PPP2R5C: variants seen among roughly 807,000 people sequenced by gnomAD.
PPP2R5C encodes serine/threonine-protein phosphatase 2A 56 kDa regulatory subunit gamma isoform.
In PPP2R5C, 7 loss-of-function variants were observed where a neutral mutation model predicts 68.9. That is an observed-to-expected ratio of 0.10 (90% confidence interval 0.06 to 0.19). The LOEUF (loss-of-function observed/expected upper bound fraction) is 0.19. Ranked by LOEUF, PPP2R5C falls within the 10% of genes least tolerant of loss-of-function variation. The pLI, the probability that PPP2R5C is intolerant of heterozygous loss-of-function variation, is 1.00. For synonymous variants in PPP2R5C, 210 were observed against 222.2 expected, an observed-to-expected ratio of 0.95 and a Z score of 0.49; for missense variants, 348 against 641.3, an observed-to-expected ratio of 0.54 and a Z score of 4.94.
intron 1 of PPP2R5C, among the ~76,000 whole-genome samples, chr14:101,843,042 A>G (rs572772461): frequency 2.6e-4 from 40 of 152,112 alleles, no homozygotes; most frequent in Non-Finnish European, 4.0e-4. Flanking sequence ...CCTGGGCAAC[A>G]CAGCAAGACT....
chr14:101,822,489 A>G (rs1473870820), intron 1 of PPP2R5C, among the ~76,000 whole-genome samples: 1 of 152,184 alleles, frequency 6.6e-6, no homozygotes, highest in African/African-American at 2.4e-5. Context: ...AAATGATGTT[A>G]TGTTGATGTG....
chr14:101,926,961 C>T (rs1595576633), exon 14 of PPP2R5C: 1 of 152,012 alleles, frequency 6.6e-6, no homozygotes, highest in African/African-American at 2.4e-5. Context: ...TCCTGAGAAA[C>T]TTGACAAGTA....
chr14:101,781,749 T>TCTGG lies in PPP2R5C; in HGVS notation c.94-4267_94-4264dup, dbSNP rs1482066117. On this transcript the variant is annotated intron_variant, in intron 2 of 14. Transcript: ENST00000328724. The surrounding 1 kb of genome is among the most constrained non-coding windows in gnomAD (Gnocchi z 6.4). ...CCGGGGAAGAAGCGGAGGACGCCGATCTGGCCTCCTGCGTTGCGCGCTCCA... is the reference window on the plus strand; with the variant it reads ...CCGGGGAAGAAGCGGAGGACGCCGATCTGGCTGGCCTCCTGCGTTGCGCGCTCCA... Among the ~76,000 whole-genome samples the TCTGG allele has an allele frequency of 1.3e-5, 2 of 151,856 alleles. No homozygotes were observed. The highest frequency in any genetic ancestry group is 2.4e-5 in the African/African-American group (1 of 41,302).
intron 3 of PPP2R5C, among the ~76,000 whole-genome samples, chr14:101,790,953 G>A (rs8018179): frequency 0.011 from 1,695 of 152,226 alleles, 25 homozygotes; most frequent in African/African-American, 0.038. Flanking sequence ...GGTGGCACTC[G>A]CTTGTAGCCC....
intron 2 of PPP2R5C, among the ~76,000 whole-genome samples, chr14:101,871,854 C>T (rs2043439656): frequency 6.6e-6 from 1 of 152,106 alleles, no homozygotes; most frequent in African/African-American, 2.4e-5. Flanking sequence ...CGATAACATA[C>T]TATTTCATAT....
chr14:101,852,697 C>G (rs1457592437), intron 1 of PPP2R5C, among the ~76,000 whole-genome samples: 1 of 152,046 alleles, frequency 6.6e-6, no homozygotes, highest in Non-Finnish European at 1.5e-5. Flanking sequence ...GTCTCGAACT[C>G]CTGACCTCAG....
At chr14:101,823,776 A>T in intron 1 of PPP2R5C, 1 of 1,127,154 alleles carries the variant, frequency 8.9e-7, no homozygotes. Context: ...CTGAGCATGC[A>T]CTGAGCCTGC....
chr14:101,915,535 G>A lies in PPP2R5C; in HGVS notation c.1327-2296G>A, dbSNP rs1566968411. ...GCCGTGCTCCAAGCGGAGGCTGTTG[G>A]TGGGTCCCATGAAGAGCACTGCTTG... is the stretch of plus-strand genomic sequence containing the variant. On this transcript the variant is annotated intron_variant, in intron 12 of 13. Coordinates refer to ENST00000334743, the Ensembl canonical transcript of PPP2R5C. The surrounding 1 kb of genome is among the most constrained non-coding windows in gnomAD (Gnocchi z 4.2). 6.6e-6 allele frequency among the ~76,000 whole-genome samples: 1 copy of A among 152,238 alleles called. No individual in the cohort carries two copies. Among genetic ancestry groups the A allele is most frequent in the African/African-American group, 2.4e-5 (1 of 41,448 alleles).
At chr14:101,922,153 A>T (rs1248089067) in intron 13 of PPP2R5C, 13 of 985,322 alleles carry the variant, frequency 1.3e-5, no homozygotes, top group Non-Finnish European at 1.6e-5. Context: ...CCTTTTGTCC[A>T]TGTCATTCCA....
At position 101,825,963 on chromosome 14, in the gene PPP2R5C, G is replaced by A. The variant is rs1015634619; in HGVS notation, c.94+15927G>A. 2.0e-5 allele frequency among the ~76,000 whole-genome samples: 3 copies of A among 152,178 alleles called. No homozygotes were observed. The highest frequency in any genetic ancestry group is 2.9e-5 in the Non-Finnish European group (2 of 68,030). On this transcript the variant is annotated intron_variant, in intron 1 of 13. Transcript: ENST00000334743. This position sits in a 1 kb window ranked among gnomAD's most constrained non-coding sequence, Gnocchi z 4.0. ...ATGAAGAGGGAACTGACCAAGGATC[G>A]GTGAGAATAGGAGGTGGCCCAGAGG... is the stretch of plus-strand genomic sequence containing the variant.
intron 2 of PPP2R5C, among the ~76,000 whole-genome samples, 193 bp downstream of exon 4, chr14:101,857,078 G>T (rs1028509583): frequency 6.6e-6 from 1 of 152,190 alleles, no homozygotes; most frequent in Non-Finnish European, 1.5e-5. Context: ...GAAGTCAGTT[G>T]TCTTCTAGGG....
intron 1 of PPP2R5C, among the ~76,000 whole-genome samples, chr14:101,822,685 T>C (rs1372507230): frequency 6.6e-6 from 1 of 152,242 alleles, no homozygotes. Context: ...TGAAGACATA[T>C]AAACTTCTGG....
chr14:101,897,168 C>T (rs188378187), intron 8 of PPP2R5C, among the ~76,000 whole-genome samples: 2 of 152,236 alleles, frequency 1.3e-5, no homozygotes, highest in South Asian at 2.1e-4. Context: ...AGGAAATGTA[C>T]CAAATCTCAT....
At position 101,891,988 on chromosome 14, in the gene PPP2R5C, G is replaced by A. The variant is rs1393849219; in HGVS notation, c.690-1012G>A. Among the ~76,000 whole-genome samples the A allele has an allele frequency of 6.6e-6, 1 of 152,060 alleles. No homozygotes were observed. Among genetic ancestry groups the A allele is most frequent in the Non-Finnish European group, 1.5e-5 (1 of 68,000 alleles). ...GTTTTTGTTTTTGAGATAGAGTCTC[G>A]CTCTGTCACCGAGGCTGGAGTGCAG... On this transcript the variant is annotated intron_variant, in intron 6 of 13. Coordinates refer to ENST00000334743, the Ensembl canonical transcript of PPP2R5C. The surrounding 1 kb of genome is among the most constrained non-coding windows in gnomAD (Gnocchi z 4.9).
rs1216917006 is a variant in PPP2R5C at position 101,781,023 on chromosome 14, A to G, written c.94-4995A>G. ...CTAAGGATGCGCCAGCTCGGCCTGA[A>G]CCATGGAATGCAGCGTGGGGCAGCC... On this transcript the variant is annotated intron_variant, in intron 2 of 14. Coordinates refer to the PPP2R5C transcript ENST00000328724. The surrounding 1 kb of genome is among the most constrained non-coding windows in gnomAD (Gnocchi z 6.4). Among the ~76,000 whole-genome samples the G allele has an allele frequency of 6.6e-6, 1 of 152,164 alleles. No individual in the cohort carries two copies. The highest frequency in any genetic ancestry group is 1.5e-5 in the Non-Finnish European group (1 of 68,026).
At chr14:101,855,159 G>A (rs1006628852) in intron 1 of PPP2R5C, among the ~76,000 whole-genome samples, 1 of 152,196 alleles carries the variant, frequency 6.6e-6, no homozygotes, top group African/African-American at 2.4e-5. Flanking sequence ...AACAGAGTGA[G>A]ACTCTGTCTC....
intron 1 of PPP2R5C, among the ~76,000 whole-genome samples, chr14:101,847,708 G>T (rs1193104590): frequency 2.7e-5 from 4 of 149,720 alleles, no homozygotes; most frequent in African/African-American, 9.9e-5. Context: ...CTATCGCGAG[G>T]CTGGAGTGTG....
intron 1 of PPP2R5C, among the ~76,000 whole-genome samples, chr14:101,811,335 G>T (rs924785647): frequency 5.9e-5 from 9 of 152,112 alleles, no homozygotes; most frequent in African/African-American, 2.2e-4. Flanking sequence ...ATTTAAGTTA[G>T]ATAGCTTTTG....
At chr14:101,796,120 C>G (rs1290516680) in intron 3 of PPP2R5C, among the ~76,000 whole-genome samples, 3 of 152,278 alleles carry the variant, frequency 2.0e-5, no homozygotes, top group Admixed American at 6.5e-5. Flanking sequence ...CCACTGCGCC[C>G]TGCCTATTTT....
Sources: gnomAD v4.1 joint callset for allele counts (sites outside exome capture counted in the v4.1 genomes callset) on GRCh38, gnomAD v4.1.1 for gene constraint, Gnocchi (gnomAD v3.1) non-coding constraint, MANE v1.5 for transcripts, NCBI Gene and HGNC (gene_info 2026-07-23, HGNC 2026-07-21) for gene names.